The following POLD1 variants were observed in gnomAD, a reference collection of about 807,000 sequenced individuals.
POLD1 encodes the protein DNA polymerase delta catalytic subunit.
A neutral mutation model predicts 129.7 loss-of-function variants in POLD1; 79 were observed. The observed-to-expected ratio is 0.61, with a 90% confidence interval of 0.51 to 0.73. The LOEUF (loss-of-function observed/expected upper bound fraction) is 0.73. Among genes scored for constraint, POLD1 ranks in the 30% least tolerant of loss-of-function variants. The probability of loss-of-function intolerance (pLI) is 0.00; values close to 1 mark genes in which losing one functional copy is unlikely to be tolerated. For missense variants in POLD1, 1,338 were observed against 1,595.8 expected, an observed-to-expected ratio of 0.84 and a Z score of 2.75; for synonymous variants, 714 against 683.3, an observed-to-expected ratio of 1.04 and a Z score of -0.70.
At chr19:50,389,588 A>T (rs2546546) in intron 1 of POLD1, among the ~76,000 whole-genome samples, 31 of 142,330 alleles carry the variant, frequency 2.2e-4, no homozygotes, top group East Asian at 1.0e-3. Context: ...ATAATTTCTT[A>T]TTTTTTTTTT....
intron 1 of POLD1, among the ~76,000 whole-genome samples, chr19:50,397,103 A>G (rs1172848153): frequency 4.8e-5 from 7 of 146,688 alleles, no homozygotes; most frequent in East Asian, 2.1e-4. Flanking sequence ...AAAAAAAAAA[A>G]AAAAGAAAAC....
Position 50,406,364 on chromosome 19 carries a change from C to A in POLD1, c.1383+42C>A, listed in dbSNP as rs2122323984. On this transcript the variant is annotated intron_variant, in intron 11 of 26. Transcript: ENST00000440232. This position sits in a 1 kb window ranked among gnomAD's most constrained non-coding sequence, Gnocchi z 5.5. ...GGGTGTGTCCCTGTCCTTGGAAGGC[C>A]ACTGCCCAGGCCCGCAGCCCACCAG... 1 of 1,611,894 alleles carries A rather than the reference C, an allele frequency of 6.2e-7. No homozygotes were observed. The highest frequency in any genetic ancestry group is 8.5e-7 in the Non-Finnish European group (1 of 1,178,728).
At position 50,417,201 on chromosome 19, in the gene POLD1, C is replaced by T. The variant is rs752322850; in HGVS notation, c.3150C>T (p.Arg1050=). 2 of 1,606,930 alleles carry T rather than the reference C, an allele frequency of 1.2e-6. No individual in the cohort carries two copies. The highest frequency in any genetic ancestry group is 1.1e-5 in the South Asian group (1 of 90,302). Residue 1050 remains arginine (R), a synonymous_variant, in exon 26 of 27, where the codon CGC becomes CGT. Transcript: ENST00000440232. ...CCCATCTGAATGCCCTGGAGGAGCGCTTCTCGCGCCTCTGGACGCAGTGCC... is the reference window on the plus strand; with the variant it reads ...CCCATCTGAATGCCCTGGAGGAGCGTTTCTCGCGCCTCTGGACGCAGTGCC... ...EVSHLNALEE[R]FSRLWTQCQR...
At position 50,402,420 on chromosome 19, in the gene POLD1, C is replaced by G. The variant is rs375678038; in HGVS notation, c.759-34C>G. On this transcript the variant is annotated intron_variant, in intron 6 of 26. Transcript: ENST00000440232. ...TCCGGCCTCTATCCCCACCCTCGGGCAGCCCCTGTCCACTGACCCCCAGCC... is the reference window on the plus strand; with the variant it reads ...TCCGGCCTCTATCCCCACCCTCGGGGAGCCCCTGTCCACTGACCCCCAGCC... 1.2e-4 allele frequency: 191 copies of G among 1,613,014 alleles called. No individual in the cohort carries two copies. The African/African-American group carries it at 2.1e-3, about 18-fold the overall frequency.
chr19:50,388,466 C>T (rs1004613284), intron 1 of POLD1, among the ~76,000 whole-genome samples: 3 of 151,482 alleles, frequency 2.0e-5, no homozygotes, highest in African/African-American at 7.3e-5. Flanking sequence ...ATAAAAAAGA[C>T]GTCTACATAC....
Position 50,389,719 on chromosome 19 carries a change from T to C in POLD1, c.-2+5329T>C, listed in dbSNP as rs574108398. Among the ~76,000 whole-genome samples, 427 of 151,724 alleles carry C rather than the reference T, an allele frequency of 2.8e-3. 2 individuals are homozygous for C. The highest frequency in any genetic ancestry group is 6.8e-3 in the Middle Eastern group (2 of 292). The stretch of plus-strand genomic sequence containing the variant: ...CTCTTGCCTCAGCCTCCCGAATAGC[T>C]GGAATTACAGGCATGCACCACCACG... On this transcript the variant is annotated intron_variant, in intron 1 of 26. Coordinates refer to ENST00000440232, the MANE Select transcript of POLD1 (RefSeq NM_002691.4).
rs754548753 is a variant in POLD1 at position 50,408,734 on chromosome 19, G to A, written c.1776-51G>A. The A allele has an allele frequency of 2.6e-5, 41 of 1,599,780 alleles. No individual in the cohort carries two copies. In the East Asian group the frequency reaches 5.4e-4, roughly 21 times the overall value. On this transcript the variant is annotated intron_variant, in intron 14 of 26. Transcript: ENST00000440232. ...TGAGGCCACAAGACAGGGCGGGGGCGGCATGGGAACTCCTAGCCCTGACTC... is the reference window on the plus strand; with the variant it reads ...TGAGGCCACAAGACAGGGCGGGGGCAGCATGGGAACTCCTAGCCCTGACTC...
chr19:50,385,825 G>A (rs535324430), intron 1 of POLD1, among the ~76,000 whole-genome samples: 1 of 151,656 alleles, frequency 6.6e-6, no homozygotes, highest in Non-Finnish European at 1.5e-5. Context: ...CACCACGCAC[G>A]GCCGCTTCTC....
At chr19:50,393,302 A>G (rs1037065522) in intron 1 of POLD1, among the ~76,000 whole-genome samples, 1 of 152,160 alleles carries the variant, frequency 6.6e-6, no homozygotes, top group Non-Finnish European at 1.5e-5. Context: ...AGCGCTGTAG[A>G]TCACTTTAGT....
chr19:50,412,547 G>A (rs1340911593), intron 17 of POLD1, among the ~76,000 whole-genome samples: 1 of 152,066 alleles, frequency 6.6e-6, no homozygotes, highest in Non-Finnish European at 1.5e-5. Flanking sequence ...ACAAGTAAAA[G>A]CTAGACAGTA....
chr19:50,403,647 C>G (rs772434785), intron 10 of POLD1, 50 bp downstream of exon 10: 39 of 1,200,912 alleles, frequency 3.2e-5, no homozygotes, highest in Non-Finnish European at 4.5e-5. Context: ...CAGGTGTGGC[C>G]TCCGGGCCCT....
rs1462297906 is a variant in POLD1 at position 50,416,735 on chromosome 19, T to G, written c.3067+12T>G. The G allele has an allele frequency of 6.6e-7, 1 of 1,513,178 alleles. No individual in the cohort carries two copies. Among genetic ancestry groups the G allele is most frequent in the Non-Finnish European group, 8.9e-7 (1 of 1,127,096 alleles). The allele number at this position is 1,513,178 out of a possible 1,614,324, so 93.7% of individuals were successfully genotyped here. Reference sequence around the variant, plus strand: ...GCTCAGCCACCAGGGTGAGCGGCCCTGGCCACTGGGCCCCCACTGGCCCTC... The same window carrying G: ...GCTCAGCCACCAGGGTGAGCGGCCCGGGCCACTGGGCCCCCACTGGCCCTC... On this transcript the variant is annotated intron_variant, in intron 24 of 26. Transcript: ENST00000440232.
intron 1 of POLD1, among the ~76,000 whole-genome samples, 191 bp downstream of exon 1, chr19:50,384,581 G>A (rs1351350944): frequency 1.3e-5 from 2 of 151,422 alleles, no homozygotes; most frequent in African/African-American, 2.4e-5. Context: ...CGGGGTGGGG[G>A]TGGAATTCCT....
At chr19:50,398,303 G>A (rs1006865144) in intron 1 of POLD1, among the ~76,000 whole-genome samples, 1 of 152,144 alleles carries the variant, frequency 6.6e-6, no homozygotes, top group African/African-American at 2.4e-5. Context: ...CGGGCGCGGA[G>A]ACTCAGGCCT....
intron 17 of POLD1, among the ~76,000 whole-genome samples, chr19:50,410,028 C>T (rs936649128): frequency 6.6e-6 from 1 of 152,110 alleles, no homozygotes; most frequent in Admixed American, 6.5e-5. Context: ...GCAGGAGGTG[C>T]GGACTGTCGG....
At chr19:50,385,119 G>T (rs1341668032) in intron 1 of POLD1, among the ~76,000 whole-genome samples, 1 of 152,180 alleles carries the variant, frequency 6.6e-6, no homozygotes, top group African/African-American at 2.4e-5. Flanking sequence ...GGGTTTGAGC[G>T]TGGAAACAAC....
In POLD1 at chr19:50,403,203, A is replaced by G; in HGVS notation, c.1121A>G (p.Glu374Gly). The G allele has an allele frequency of 6.4e-7, 1 of 1,558,302 alleles. No homozygotes were observed. Among genetic ancestry groups the G allele is most frequent in the Non-Finnish European group, 8.7e-7 (1 of 1,150,124 alleles). ...GCCAAGGTGCAGAGCTACGAGAAGG[A>G]GGAGGACCTGCTGCAGGTAGCTCTC... ...LGAKVQSYEK[E>G]EDLLQAWSTF... is the part of the protein sequence containing the mutation. The change falls in exon 9 of 27, where the codon GAG (glutamate) becomes GGG (glycine). Residue 374 changes from glutamate (E) to glycine (G), a missense_variant. Transcript: ENST00000440232.
chr19:50,390,378 T>C (rs1324684665), intron 1 of POLD1, among the ~76,000 whole-genome samples: 1 of 152,082 alleles, frequency 6.6e-6, no homozygotes, highest in African/African-American at 2.4e-5. Flanking sequence ...CATTTGTGTG[T>C]ACCCCATTTG....
chr19:50,407,217 G>A (rs201197467), intron 13 of POLD1, 43 bp downstream of exon 13: 32 of 1,568,210 alleles, frequency 2.0e-5, no homozygotes, highest in Non-Finnish European at 2.4e-5. Context: ...CACCAGGCAC[G>A]TCTGTGGCCC....
Sources: allele counts gnomAD v4.1 joint callset (sites outside exome capture counted in the v4.1 genomes callset), GRCh38; gene constraint gnomAD v4.1.1; non-coding constraint Gnocchi (gnomAD v3.1); transcripts MANE v1.5; gene names NCBI Gene and HGNC (gene_info 2026-07-23, HGNC 2026-07-21).